The following TANGO6 variants were observed in gnomAD, a reference collection of about 807,000 sequenced individuals.
TANGO6 encodes transport and golgi organization 6 homolog, also known as transport and Golgi organization protein 6 homolog.
Under a neutral mutation model 114.2 loss-of-function variants are expected in TANGO6, and 90 were observed. That is an observed-to-expected ratio of 0.79 (90% CI 0.66 to 0.94). The LOEUF (loss-of-function observed/expected upper bound fraction) is 0.94, where lower values mean the gene tolerates loss of function less well. Ranked by LOEUF, TANGO6 falls within the 40% of genes least tolerant of loss-of-function variation. TANGO6 has a pLI of 0.00. For missense variants in TANGO6, 1,274 were observed against 1,315.3 expected, an observed-to-expected ratio of 0.97 and a Z score of 0.49; for synonymous variants, 477 against 509.8, an observed-to-expected ratio of 0.94 and a Z score of 0.87.
intron 17 of TANGO6, 151 bp from the exon 18 acceptor site, chr16:69,083,334 C>A: frequency 1.0e-6 from 1 of 982,494 alleles, no homozygotes; most frequent in Non-Finnish European, 1.4e-6. Flanking sequence ...GTGCGGATTA[C>A]AGGCATGAGC....
intron 15 of TANGO6, among the ~76,000 whole-genome samples, chr16:69,014,322 A>G (rs368248749): frequency 6.6e-6 from 1 of 152,048 alleles, no homozygotes; most frequent in Non-Finnish European, 1.5e-5. Context: ...TCCTTATGAT[A>G]GCCAAAGGCA....
At chr16:68,934,006 T>C (rs1963274603) in intron 14 of TANGO6, 1 of 152,516 alleles carries the variant, frequency 6.6e-6, no homozygotes, top group Non-Finnish European at 1.5e-5. Context: ...GGGGAAATCG[T>C]ATAGCAAAGA....
intron 12 of TANGO6, among the ~76,000 whole-genome samples, chr16:68,926,283 C>T (rs899634872): frequency 6.6e-6 from 1 of 151,934 alleles, no homozygotes; most frequent in African/African-American, 2.4e-5. Context: ...CACCTGAGGT[C>T]CGGAGTTCAA....
chr16:68,910,956 C>G (rs1047636501), intron 11 of TANGO6, among the ~76,000 whole-genome samples: 1 of 152,056 alleles, frequency 6.6e-6, no homozygotes, highest in Non-Finnish European at 1.5e-5. Context: ...GGATTACAGG[C>G]GTGAGCTACC....
chr16:69,013,123 T>G (rs1324305963), intron 15 of TANGO6, among the ~76,000 whole-genome samples: 1 of 152,134 alleles, frequency 6.6e-6, no homozygotes, highest in Non-Finnish European at 1.5e-5. Flanking sequence ...CACACCTTTT[T>G]TTTTTTTAAT....
chr16:68,851,948 A>G (rs892547574), intron 1 of TANGO6, among the ~76,000 whole-genome samples: 2 of 152,180 alleles, frequency 1.3e-5, no homozygotes, highest in South Asian at 4.1e-4. Context: ...TTTAAGGGCC[A>G]TTTGCATTTC....
At chr16:68,959,696 T>C (rs1197704638) in intron 14 of TANGO6, among the ~76,000 whole-genome samples, 1 of 152,242 alleles carries the variant, frequency 6.6e-6, no homozygotes, top group South Asian at 2.1e-4. Context: ...AGGGCACATC[T>C]CCTAGCCCAC....
intron 15 of TANGO6, among the ~76,000 whole-genome samples, chr16:68,982,782 C>G (rs1330540889): frequency 1.3e-5 from 2 of 151,742 alleles, no homozygotes; most frequent in Non-Finnish European, 2.9e-5. Flanking sequence ...CTCTATTTCA[C>G]CTCTATTAGA....
chr16:68,883,356 C>T (rs1398805793), intron 7 of TANGO6, among the ~76,000 whole-genome samples: 1 of 152,170 alleles, frequency 6.6e-6, no homozygotes, highest in Non-Finnish European at 1.5e-5. Context: ...ACAAAAATTT[C>T]TCTCTCTCAA....
intron 15 of TANGO6, among the ~76,000 whole-genome samples, chr16:68,977,745 G>T (rs1466563706): frequency 6.6e-6 from 1 of 151,090 alleles, no homozygotes; most frequent in Non-Finnish European, 1.5e-5. Context: ...GAGTCCAGTG[G>T]TGCCATCTTA....
chr16:69,074,798 C>CTA (rs1555530705), intron 17 of TANGO6, among the ~76,000 whole-genome samples: 1 of 135,172 alleles, frequency 7.4e-6, no homozygotes, highest in Non-Finnish European at 1.6e-5. Context: ...GTTCGAATGC[C>CTA]TGTGTGTGTG....
chr16:69,057,720 G>A (rs987611023), intron 17 of TANGO6, among the ~76,000 whole-genome samples: 1 of 152,138 alleles, frequency 6.6e-6, no homozygotes, highest in Non-Finnish European at 1.5e-5. Flanking sequence ...ACATCCCTTT[G>A]GCGTATTTAC....
intron 7 of TANGO6, among the ~76,000 whole-genome samples, chr16:68,881,018 G>A (rs112407786): frequency 0.089 from 13,473 of 152,118 alleles, 662 homozygotes; most frequent in Non-Finnish European, 0.11. Flanking sequence ...CGAACTCCTG[G>A]GCTCAAGCTA....
At chr16:69,021,359 C>T (rs946808765) in intron 15 of TANGO6, among the ~76,000 whole-genome samples, 1 of 152,154 alleles carries the variant, frequency 6.6e-6, no homozygotes, top group African/African-American at 2.4e-5. Context: ...GCTCACCTTC[C>T]AGTCTTTGTT....
rs1047572675 is a variant in TANGO6, at chr16:68,904,337, G to A, written c.1667+1833G>A. Among the ~76,000 whole-genome samples the A allele has an allele frequency of 1.8e-4, 27 of 152,180 alleles. 1 individual carries two copies. Among genetic ancestry groups the A allele is most frequent in the African/African-American group, 4.8e-4 (20 of 41,462 alleles). The stretch of plus-strand genomic sequence containing the variant: ...ATTTTCACAATTAAAATGGCTCACA[G>A]AAGCTTAGAAGGGACGTTTATCCAT... On this transcript the variant is annotated intron_variant, in intron 9 of 17. Transcript: ENST00000261778.
At chr16:68,906,186 A>G (rs1962847767) in intron 9 of TANGO6, among the ~76,000 whole-genome samples, 1 of 152,164 alleles carries the variant, frequency 6.6e-6, no homozygotes, top group Admixed American at 6.5e-5. Context: ...ATCTCAAATA[A>G]ATAAATAAAT....
rs756887591 is a variant in TANGO6, at chr16:69,014,793, G to A, written c.2843-8035G>A. 9.4e-4 allele frequency among the ~76,000 whole-genome samples: 143 copies of A among 151,776 alleles called. 1 individual carries two copies. Among genetic ancestry groups the A allele is most frequent in the Non-Finnish European group, 6.3e-4 (43 of 67,954 alleles). On this transcript the variant is annotated intron_variant, in intron 15 of 17. Coordinates refer to ENST00000261778, the MANE Select transcript of TANGO6 (RefSeq NM_024562.2). ...ATCTATAGTCCCACCCTACTCAGGAGGCTAAAGCAAGAGGATCTCTTGAGC... is the reference window on the plus strand; with the variant it reads ...ATCTATAGTCCCACCCTACTCAGGAAGCTAAAGCAAGAGGATCTCTTGAGC...
At chr16:69,009,168 G>A (rs992515647) in intron 15 of TANGO6, among the ~76,000 whole-genome samples, 3 of 128,600 alleles carry the variant, frequency 2.3e-5, no homozygotes, top group East Asian at 2.5e-4. Flanking sequence ...TGAAATCTCC[G>A]CCTCACAGGT....
intron 12 of TANGO6, among the ~76,000 whole-genome samples, chr16:68,923,541 C>T (rs929124128): frequency 5.3e-5 from 8 of 152,062 alleles, no homozygotes; most frequent in African/African-American, 1.9e-4. Flanking sequence ...TTCACCGAGC[C>T]CAATTTGGGT....
Sources: allele counts gnomAD v4.1 joint callset (sites outside exome capture counted in the v4.1 genomes callset), GRCh38; gene constraint gnomAD v4.1.1; transcripts MANE v1.5; gene names NCBI Gene and HGNC (gene_info 2026-07-23, HGNC 2026-07-21).